The following KCNQ3 variants were observed in gnomAD, a reference collection of about 807,000 sequenced individuals.
KCNQ3 encodes the protein potassium voltage-gated channel subfamily KQT member 3.
Under a neutral mutation model 92.5 loss-of-function variants are expected in KCNQ3, and 30 were observed. The ratio of observed to expected loss-of-function variants is 0.32; its 90% confidence interval spans 0.24 to 0.44. KCNQ3 has a LOEUF of 0.44. Ranked by LOEUF, KCNQ3 falls within the 20% of genes least tolerant of loss-of-function variation. The pLI is 1.00. For missense variants in KCNQ3, 913 were observed against 1,140.3 expected (o/e 0.80, Z 2.87); for synonymous variants, 450 against 468.8 (o/e 0.96, Z 0.52).
At chr8:132,437,050 C>T (rs1009822951) in intron 1 of KCNQ3, among the ~76,000 whole-genome samples, 3 of 151,450 alleles carry the variant, frequency 2.0e-5, no homozygotes, top group Non-Finnish European at 4.4e-5. Flanking sequence ...GAGGCCGAGG[C>T]GGGCGGATCA....
At position 132,170,417 on chromosome 8, in the gene KCNQ3, C is replaced by T; in HGVS notation, c.1152G>A (p.Arg384=). 2 of 1,613,420 alleles carry T rather than the reference C, an allele frequency of 1.2e-6. No individual in the cohort carries two copies. Among genetic ancestry groups the T allele is most frequent in the South Asian group, 2.2e-5 (2 of 91,058 alleles). Residue 384 remains arginine (R), a synonymous_variant, in exon 8 of 15, where the codon AGG becomes AGA. Transcript: ENST00000388996. The part of the protein sequence containing the change: ...PAAELIQAAW[R]YYATNPNRID... ...TCCTGTTGGGGTTGGTAGCATAATACCTCCAGGCAGCCTGAGGGGCAGAAA... is the reference window on the plus strand; with the variant it reads ...TCCTGTTGGGGTTGGTAGCATAATATCTCCAGGCAGCCTGAGGGGCAGAAA...
intron 3 of KCNQ3, among the ~76,000 whole-genome samples, 190 bp from the exon 4 acceptor site, chr8:132,180,519 G>A (rs1418147430): frequency 6.6e-6 from 1 of 152,216 alleles, no homozygotes; most frequent in Non-Finnish European, 1.5e-5. Context: ...TGACTGATGA[G>A]GAAACTGAAG....
At chr8:132,174,441 G>C in intron 5 of KCNQ3, 92 bp from the exon 6 acceptor site, 3 of 976,734 alleles carry the variant, frequency 3.1e-6, no homozygotes, top group Non-Finnish European at 4.8e-6. Flanking sequence ...CTCTCCATCA[G>C]CTTGGGCAAT....
chr8:132,326,501 T>C (rs766423230), intron 1 of KCNQ3, among the ~76,000 whole-genome samples: 1 of 152,164 alleles, frequency 6.6e-6, no homozygotes, highest in Non-Finnish European at 1.5e-5. Context: ...TCCACCAAAG[T>C]TCATATTGAA....
intron 1 of KCNQ3, among the ~76,000 whole-genome samples, chr8:132,285,471 G>A (rs1195710325): frequency 6.6e-6 from 1 of 152,224 alleles, no homozygotes; most frequent in African/African-American, 2.4e-5. Flanking sequence ...CCAAACTTAG[G>A]AGCAATGGAA....
chr8:132,314,436 C>G (rs866284346), intron 1 of KCNQ3, among the ~76,000 whole-genome samples: 2 of 152,026 alleles, frequency 1.3e-5, no homozygotes, highest in Non-Finnish European at 2.9e-5. Flanking sequence ...CTAACAAAAC[C>G]CAAAGATTTT....
chr8:132,415,155 T>C (rs1177903387), intron 1 of KCNQ3, among the ~76,000 whole-genome samples: 1 of 152,232 alleles, frequency 6.6e-6, no homozygotes, highest in Non-Finnish European at 1.5e-5. Flanking sequence ...CTGAACCATC[T>C]ACTGCCTCAA....
intron 12 of KCNQ3, among the ~76,000 whole-genome samples, chr8:132,136,728 A>G (rs924174497): frequency 6.6e-6 from 1 of 152,220 alleles, no homozygotes; most frequent in Non-Finnish European, 1.5e-5. Context: ...AGATATATAC[A>G]TATGCATATA....
At chr8:132,236,171 A>T (rs1814808829) in intron 1 of KCNQ3, among the ~76,000 whole-genome samples, 1 of 152,174 alleles carries the variant, frequency 6.6e-6, no homozygotes, top group Admixed American at 6.5e-5. Context: ...TAACTCCACC[A>T]CTACTGGAAA....
intron 1 of KCNQ3, among the ~76,000 whole-genome samples, chr8:132,390,269 G>A (rs1171970109): frequency 6.6e-6 from 1 of 152,186 alleles, no homozygotes; most frequent in African/African-American, 2.4e-5. Context: ...AATAAGGTAG[G>A]AAAGTGATGA....
At chr8:132,137,862 C>T (rs1450501758) in intron 12 of KCNQ3, 23 bp downstream of exon 12, 2 of 1,613,610 alleles carry the variant, frequency 1.2e-6, no homozygotes, top group Non-Finnish European at 1.7e-6. Context: ...GGAGCGCAGT[C>T]CCTCCAGATG....
At chr8:132,340,384 G>A (rs1274554826) in intron 1 of KCNQ3, among the ~76,000 whole-genome samples, 1 of 152,148 alleles carries the variant, frequency 6.6e-6, no homozygotes, top group Non-Finnish European at 1.5e-5. Flanking sequence ...ATAATAGAAT[G>A]GATAAAGAAA....
chr8:132,132,220 T>C lies in KCNQ3; in HGVS notation c.1844A>G (p.Asp615Gly), dbSNP rs777180732. 2.4e-5 allele frequency: 38 copies of C among 1,613,818 alleles called. No individual in the cohort carries two copies. Among genetic ancestry groups the C allele is most frequent in the Non-Finnish European group, 3.0e-5 (35 of 1,179,770 alleles). ...VARPSTSEIE[D>G]QSMMGKFVKV... ...TACAAACTTCCCCATCATGCTTTGG[T>C]CTTCGATTTCTGATGTGGATGGTCT... The change falls in exon 14 of 15, where the codon GAC (aspartate) becomes GGC (glycine). Residue 615 changes from aspartate to glycine, a missense_variant. This residue lies in a region of KCNQ3 where 375 missense variants were observed against 376.4 expected (regional missense o/e 1.00). Transcript: ENST00000388996.
intron 1 of KCNQ3, among the ~76,000 whole-genome samples, chr8:132,343,697 C>T (rs1286338953): frequency 2.0e-5 from 3 of 151,994 alleles, no homozygotes; most frequent in South Asian, 2.1e-4. Context: ...CTACTCCTAC[C>T]ACCCAAGAGA....
At chr8:132,405,787 C>T (rs1820460449) in intron 1 of KCNQ3, among the ~76,000 whole-genome samples, 1 of 152,170 alleles carries the variant, frequency 6.6e-6, no homozygotes, top group African/African-American at 2.4e-5. Context: ...TGTTGGAGTG[C>T]TTTCACCAGG....
At chr8:132,409,809 C>T (rs1472658751) in intron 1 of KCNQ3, among the ~76,000 whole-genome samples, 1 of 152,182 alleles carries the variant, frequency 6.6e-6, no homozygotes, top group African/African-American at 2.4e-5. Flanking sequence ...GGATATGCAG[C>T]CCCATTCTAA....
intron 9 of KCNQ3, among the ~76,000 whole-genome samples, chr8:132,161,238 TAA>T (rs1825976195): frequency 6.6e-6 from 1 of 152,194 alleles, no homozygotes; most frequent in African/African-American, 2.4e-5. Flanking sequence ...ACAGAGAATA[TAA>T]TTCTTTCATC....
intron 8 of KCNQ3, among the ~76,000 whole-genome samples, chr8:132,165,554 C>T (rs1302677151): frequency 1.3e-5 from 2 of 152,188 alleles, no homozygotes; most frequent in African/African-American, 4.8e-5. Flanking sequence ...TGAACACTTG[C>T]TATGGGCTAG....
At chr8:132,306,253 T>C (rs1422706975) in intron 1 of KCNQ3, among the ~76,000 whole-genome samples, 1 of 152,244 alleles carries the variant, frequency 6.6e-6, no homozygotes, top group Non-Finnish European at 1.5e-5. Context: ...TCTCAGTGTT[T>C]ATGTTTTTGC....
Sources: gnomAD v4.1 joint callset for allele counts (sites outside exome capture counted in the v4.1 genomes callset) on GRCh38, gnomAD v4.1.1 for gene constraint, gnomAD v4.1.1 regional missense constraint, MANE v1.5 for transcripts, NCBI Gene and HGNC (gene_info 2026-07-23, HGNC 2026-07-21) for gene names.